IMMP2L: variants seen among roughly 807,000 people sequenced by gnomAD.
IMMP2L encodes inner mitochondrial membrane peptidase subunit 2.
Under a neutral mutation model 19.3 loss-of-function variants are expected in IMMP2L, and 18 were observed. That is an observed-to-expected ratio of 0.93 (90% confidence interval 0.64 to 1.38). The LOEUF (loss-of-function observed/expected upper bound fraction) is 1.38, where lower values mean the gene tolerates loss of function less well. Ranked by LOEUF, IMMP2L falls within the 40% of genes most tolerant of loss-of-function variation. The pLI, the probability that IMMP2L is intolerant of heterozygous loss-of-function variation, is 0.00. For synonymous variants in IMMP2L, 76 were observed against 73.0 expected, an observed-to-expected ratio of 1.04 and a Z score of -0.21; for missense variants, 233 against 218.2, an observed-to-expected ratio of 1.07 and a Z score of -0.43.
intron 3 of IMMP2L, among the ~76,000 whole-genome samples, chr7:111,173,827 A>G (rs1206422146): frequency 6.6e-6 from 1 of 151,744 alleles, no homozygotes; most frequent in African/African-American, 2.4e-5. Flanking sequence ...TGAGGAAAGA[A>G]GCTTACCATC....
chr7:110,817,067 G>T (rs1802589950), intron 5 of IMMP2L, among the ~76,000 whole-genome samples: 1 of 151,952 alleles, frequency 6.6e-6, no homozygotes, highest in Non-Finnish European at 1.5e-5. Context: ...AGCCTTGATG[G>T]TCTTTACATT....
intron 3 of IMMP2L, among the ~76,000 whole-genome samples, chr7:111,174,294 T>C (rs1806790177): frequency 6.6e-6 from 1 of 151,572 alleles, no homozygotes; most frequent in African/African-American, 2.4e-5. Context: ...AGGCAGGTAA[T>C]ACAAATCAGA....
At position 110,727,881 on chromosome 7, in the gene IMMP2L, T is replaced by C. The variant is rs1265400166; in HGVS notation, c.409-64160A>G. On this transcript the variant is annotated intron_variant, in intron 5 of 5. Coordinates refer to ENST00000405709, the MANE Select transcript of IMMP2L (RefSeq NM_032549.4). The surrounding 1 kb of genome is among the most constrained non-coding windows in gnomAD (Gnocchi z 4.3). The stretch of plus-strand genomic sequence containing the variant: ...AGGTAAATTTTTACAAATAATTACA[T>C]CTAACAAGTTGTGCTAAGTCAACAT... Among the ~76,000 whole-genome samples the C allele has an allele frequency of 2.0e-5, 3 of 152,136 alleles. No individual in the cohort carries two copies. The highest frequency in any genetic ancestry group is 4.4e-5 in the Non-Finnish European group (3 of 68,028).
intron 5 of IMMP2L, among the ~76,000 whole-genome samples, chr7:110,713,935 T>C (rs1252695139): frequency 6.6e-6 from 1 of 152,202 alleles, no homozygotes; most frequent in Non-Finnish European, 1.5e-5. Context: ...TTTTGCCTGA[T>C]GGCTCTGGCT....
In IMMP2L at chr7:111,333,524, T is replaced by C. The variant is rs185228775; in HGVS notation, c.239+153714A>G. Among the ~76,000 whole-genome samples the C allele has an allele frequency of 5.2e-3, 797 of 152,158 alleles. 7 individuals carry two copies. Among genetic ancestry groups the C allele is most frequent in the Middle Eastern group, 0.014 (4 of 294 alleles). On this transcript the variant is annotated intron_variant, in intron 3 of 5. Transcript: ENST00000405709. ...AAGTTGACAAGGGGTCGACTTGTGA[T>C]GGTAAATATTGAGTGGATTGTAATA...
At chr7:111,510,710 A>T (rs888752772) in intron 2 of IMMP2L, among the ~76,000 whole-genome samples, 1 of 152,138 alleles carries the variant, frequency 6.6e-6, no homozygotes, top group African/African-American at 2.4e-5. Context: ...CAAACTAGCC[A>T]GTCCTAAACT....
intron 3 of IMMP2L, among the ~76,000 whole-genome samples, chr7:111,053,587 C>T (rs1476233546): frequency 3.3e-5 from 5 of 152,176 alleles, no homozygotes; most frequent in Non-Finnish European, 7.4e-5. Context: ...GACAGGGTGA[C>T]AATTGCCTGA....
intron 5 of IMMP2L, among the ~76,000 whole-genome samples, chr7:110,690,490 C>T (rs1004179489): frequency 1.3e-5 from 2 of 151,810 alleles, no homozygotes; most frequent in East Asian, 1.9e-4. Context: ...AAAGGGCATC[C>T]GAATTGAAAA....
chr7:110,669,175 G>A (rs1172784158), intron 5 of IMMP2L, among the ~76,000 whole-genome samples: 1 of 151,490 alleles, frequency 6.6e-6, no homozygotes, highest in Non-Finnish European at 1.5e-5. Flanking sequence ...TGGAGGCTTG[G>A]CAAGTCCAAA....
At position 111,213,147 on chromosome 7, in the gene IMMP2L, T is replaced by G. The variant is rs1811514966; in HGVS notation, c.240-249582A>C. Among the ~76,000 whole-genome samples the G allele has an allele frequency of 6.6e-6, 1 of 152,188 alleles. No homozygotes were observed. Among genetic ancestry groups the G allele is most frequent in the Admixed American group, 6.5e-5 (1 of 15,290 alleles). Reference sequence around the variant, plus strand: ...CCCCCTGTCTCTGCAGGCTCAGAGGTGCCTGCTGTCACTGCCTCGCCTCTC... The same window carrying G: ...CCCCCTGTCTCTGCAGGCTCAGAGGGGCCTGCTGTCACTGCCTCGCCTCTC... On this transcript the variant is annotated intron_variant, in intron 3 of 5. Coordinates refer to ENST00000405709, the MANE Select transcript of IMMP2L (RefSeq NM_032549.4). The surrounding 1 kb of genome is among the most constrained non-coding windows in gnomAD (Gnocchi z 4.8).
chr7:111,537,694 C>G (rs1222609955), intron 1 of IMMP2L, among the ~76,000 whole-genome samples: 1 of 151,184 alleles, frequency 6.6e-6, no homozygotes, highest in Non-Finnish European at 1.5e-5. Context: ...TGCCACCACA[C>G]CTGGCTAATT....
chr7:111,451,069 G>A (rs1160270083), intron 3 of IMMP2L, among the ~76,000 whole-genome samples: 1 of 147,730 alleles, frequency 6.8e-6, no homozygotes, highest in African/African-American at 2.6e-5. Context: ...AACAGGTGCT[G>A]GAGAGGATGT....
intron 3 of IMMP2L, among the ~76,000 whole-genome samples, chr7:111,047,325 T>C (rs1355564217): frequency 6.6e-6 from 1 of 151,984 alleles, no homozygotes; most frequent in Non-Finnish European, 1.5e-5. Flanking sequence ...GTAGCTGGGA[T>C]TACAGGCAGG....
chr7:110,979,709 CA>C (rs1413752431), intron 3 of IMMP2L, among the ~76,000 whole-genome samples: 53 of 150,974 alleles, frequency 3.5e-4, no homozygotes, highest in African/African-American at 1.2e-3. Flanking sequence ...AAAACAAAAC[CA>C]AAAAAACCTC....
chr7:111,468,338 G>T (rs767678235), intron 3 of IMMP2L, among the ~76,000 whole-genome samples: 9 of 151,856 alleles, frequency 5.9e-5, no homozygotes, highest in Non-Finnish European at 2.9e-5. Context: ...CAAAAAAAAA[G>T]AAATATGCTT....
chr7:110,825,606 A>C (rs1208698303), intron 5 of IMMP2L, among the ~76,000 whole-genome samples: 1 of 152,202 alleles, frequency 6.6e-6, no homozygotes, highest in Non-Finnish European at 1.5e-5. Flanking sequence ...CTATTTAATA[A>C]ATGGTGCTAG....
chr7:111,275,576 A>G (rs187849507), intron 3 of IMMP2L, among the ~76,000 whole-genome samples: 1 of 152,302 alleles, frequency 6.6e-6, no homozygotes, highest in Non-Finnish European at 1.5e-5. Flanking sequence ...GGAGGTGTGC[A>G]TGAGTTATTC....
At chr7:111,151,898 T>C (rs1372420270) in intron 3 of IMMP2L, among the ~76,000 whole-genome samples, 1 of 152,146 alleles carries the variant, frequency 6.6e-6, no homozygotes, top group Non-Finnish European at 1.5e-5. Flanking sequence ...ATCGCGCCAT[T>C]GCACTCCAGC....
intron 3 of IMMP2L, among the ~76,000 whole-genome samples, chr7:111,406,042 C>T (rs1424053809): frequency 6.6e-6 from 1 of 151,986 alleles, no homozygotes; most frequent in Non-Finnish European, 1.5e-5. Context: ...CTGAAAATTA[C>T]CCAAATTCTA....
Sources: allele counts gnomAD v4.1 joint callset (sites outside exome capture counted in the v4.1 genomes callset), GRCh38; gene constraint gnomAD v4.1.1; non-coding constraint Gnocchi (gnomAD v3.1); transcripts MANE v1.5; gene names NCBI Gene and HGNC (gene_info 2026-07-23, HGNC 2026-07-21).